DPY19L2: variants seen among roughly 807,000 people sequenced by gnomAD.
DPY19L2 encodes probable C-mannosyltransferase DPY19L2.
DPY19L2 carries 34 observed loss-of-function variants against 97.9 expected under a neutral mutation model. The observed-to-expected ratio is 0.35, with a 90% CI of 0.26 to 0.46. DPY19L2 has a LOEUF of 0.46. Among genes scored for constraint, DPY19L2 ranks in the 20% least tolerant of loss-of-function variants. The probability of loss-of-function intolerance (pLI) is 1.00; values close to 1 mark genes in which losing one functional copy is unlikely to be tolerated. For missense variants in DPY19L2, 623 were observed against 911.4 expected, an observed-to-expected ratio of 0.68 and a Z score of 4.07; for synonymous variants, 230 against 307.9, an observed-to-expected ratio of 0.75 and a Z score of 2.65.
chr12:63,607,575 T>C (rs1886268496), intron 12 of DPY19L2, among the ~76,000 whole-genome samples: 2 of 152,164 alleles, frequency 1.3e-5, no homozygotes, highest in African/African-American at 4.8e-5. Flanking sequence ...TCCATTTTGT[T>C]CTCTTGTATT....
chr12:63,593,593 G>A (rs1883562487), intron 16 of DPY19L2, among the ~76,000 whole-genome samples: 1 of 151,876 alleles, frequency 6.6e-6, no homozygotes. Flanking sequence ...TGAACAATGA[G>A]AACACATGGA....
chr12:63,633,502 A>C lies in DPY19L2; in HGVS notation c.804-6976T>G, dbSNP rs1891089158. ...TGGCCATCAGAGAACTGCAAATGAA[A>C]ACCACAATGAGATACCATCTCACAC... On this transcript the variant is annotated intron_variant, in intron 6 of 21. Coordinates refer to ENST00000324472, the MANE Select transcript of DPY19L2 (RefSeq NM_173812.5). Among the ~76,000 whole-genome samples the C allele has an allele frequency of 2.0e-5, 3 of 152,198 alleles. No individual in the cohort carries two copies. In the South Asian group the frequency reaches 6.2e-4, roughly 31 times the overall value.
At chr12:63,592,806 C>A (rs1341207348) in intron 16 of DPY19L2, among the ~76,000 whole-genome samples, 4 of 152,042 alleles carry the variant, frequency 2.6e-5, no homozygotes, top group Non-Finnish European at 5.9e-5. Context: ...AATTAAACTA[C>A]ACAGCTTCTG....
At chr12:63,577,008 G>A (rs927950802) in intron 19 of DPY19L2, among the ~76,000 whole-genome samples, 27 of 152,126 alleles carry the variant, frequency 1.8e-4, no homozygotes, top group African/African-American at 6.0e-4. Flanking sequence ...CAAAACTGAA[G>A]GAATCACAAT....
chr12:63,598,223 T>C (rs1023239316), intron 13 of DPY19L2, among the ~76,000 whole-genome samples: 7 of 152,206 alleles, frequency 4.6e-5, no homozygotes, highest in South Asian at 4.1e-4. Flanking sequence ...TGTAGTTAAT[T>C]ACATTTTATA....
chr12:63,574,307 T>C (rs1352374096), intron 19 of DPY19L2, among the ~76,000 whole-genome samples: 1 of 151,676 alleles, frequency 6.6e-6, no homozygotes, highest in Non-Finnish European at 1.5e-5. Flanking sequence ...ACCTCAAGTT[T>C]AAAAACATAA....
At chr12:63,604,197 T>A (rs1221243518) in intron 12 of DPY19L2, among the ~76,000 whole-genome samples, 3 of 152,216 alleles carry the variant, frequency 2.0e-5, no homozygotes, top group Non-Finnish European at 4.4e-5. Context: ...ACATGACAAG[T>A]CTGCTACAAT....
At chr12:63,578,629 GT>G (rs541133764) in intron 19 of DPY19L2, among the ~76,000 whole-genome samples, 473 of 152,090 alleles carry the variant, frequency 3.1e-3, no homozygotes, top group Middle Eastern at 6.8e-3. Flanking sequence ...AACCCTGAGT[GT>G]TTACCTTCCA....
At chr12:63,578,623 C>T (rs1333520531) in intron 19 of DPY19L2, among the ~76,000 whole-genome samples, 1 of 152,048 alleles carries the variant, frequency 6.6e-6, no homozygotes, top group African/African-American at 2.4e-5. Context: ...TTTAAGAACC[C>T]TGAGTGTTTA....
chr12:63,668,703 A>C, upstream of DPY19L2: 2 of 340,124 alleles, frequency 5.9e-6, no homozygotes, highest in Admixed American at 4.6e-5. Context: ...CACCCTCCCC[A>C]GCGCCTGCAG....
intron 11 of DPY19L2, among the ~76,000 whole-genome samples, chr12:63,610,398 G>A (rs1340306355): frequency 6.6e-6 from 1 of 151,602 alleles, no homozygotes; most frequent in African/African-American, 2.4e-5. Context: ...TTCTGCTTCT[G>A]TCCAAGTTTG....
chr12:63,570,280 G>A (rs1435141176), intron 20 of DPY19L2, among the ~76,000 whole-genome samples: 3 of 152,094 alleles, frequency 2.0e-5, no homozygotes, highest in Non-Finnish European at 4.4e-5. Context: ...ATGAAAGCAC[G>A]TAATATATAA....
intron 11 of DPY19L2, among the ~76,000 whole-genome samples, chr12:63,616,811 G>A (rs1213320255): frequency 6.6e-6 from 1 of 152,050 alleles, no homozygotes; most frequent in African/African-American, 2.4e-5. Flanking sequence ...TCACACCATC[G>A]TTTGAGCAAG....
rs141742346 is a variant in DPY19L2, at chr12:63,657,229, G to C, written c.588+4115C>G. Among the ~76,000 whole-genome samples the C allele has an allele frequency of 2.6e-3, 402 of 152,088 alleles. 2 individuals carry two copies. Among genetic ancestry groups the C allele is most frequent in the African/African-American group, 8.4e-3 (347 of 41,372 alleles). On this transcript the variant is annotated intron_variant, in intron 4 of 21. Coordinates refer to ENST00000324472, the MANE Select transcript of DPY19L2 (RefSeq NM_173812.5). The stretch of plus-strand genomic sequence containing the variant: ...TTAGGGTGGGCTGGATTTGAAGTTT[G>C]TAATTGCTATAGTTACCAAAGCTGG...
intron 3 of DPY19L2, among the ~76,000 whole-genome samples, chr12:63,663,393 C>T (rs1017027820): frequency 6.0e-4 from 91 of 152,084 alleles, no homozygotes; most frequent in African/African-American, 2.1e-3. Context: ...AAATAATAAT[C>T]GTCATCATTA....
intron 1 of DPY19L2, among the ~76,000 whole-genome samples, chr12:63,667,413 A>T (rs1435100915): frequency 1.3e-5 from 2 of 152,100 alleles, no homozygotes; most frequent in African/African-American, 4.8e-5. Flanking sequence ...ATCTGAAAAA[A>T]AATGATATGG....
At chr12:63,594,577 T>A (rs1883838529) in intron 15 of DPY19L2, among the ~76,000 whole-genome samples, 2 of 124,278 alleles carry the variant, frequency 1.6e-5, no homozygotes, top group African/African-American at 7.3e-5. Context: ...GTAGGGATGT[T>A]TGTATGTGTG....
intron 21 of DPY19L2, among the ~76,000 whole-genome samples, chr12:63,561,745 T>C (rs2942655): frequency 6.6e-6 from 1 of 151,564 alleles, no homozygotes; most frequent in East Asian, 1.9e-4. Flanking sequence ...TAAACATTCA[T>C]GGACAAGGCT....
intron 8 of DPY19L2, among the ~76,000 whole-genome samples, chr12:63,621,917 C>A (rs1592604295): frequency 6.6e-6 from 1 of 152,122 alleles, no homozygotes; most frequent in South Asian, 2.1e-4. Flanking sequence ...ATACCTTTTA[C>A]CACAGAGAAT....
Sources: allele counts gnomAD v4.1 joint callset (sites outside exome capture counted in the v4.1 genomes callset), GRCh38; gene constraint gnomAD v4.1.1; transcripts MANE v1.5; gene names NCBI Gene and HGNC (gene_info 2026-07-23, HGNC 2026-07-21).